SH2D1A: variants seen among roughly 807,000 people sequenced by gnomAD.
SH2D1A encodes the protein SH2 domain-containing protein 1A.
Under a neutral mutation model 10.1 loss-of-function variants are expected in SH2D1A, and 6 were observed. The ratio of observed to expected loss-of-function variants is 0.60; its 90% CI spans 0.33 to 1.18. The LOEUF is 1.18. SH2D1A is among the 50% of genes most tolerant of loss of function. SH2D1A has a pLI of 0.04. For missense variants in SH2D1A, 51 were observed against 97.6 expected (o/e 0.52, Z 2.01); for synonymous variants, 42 against 36.9 (o/e 1.14, Z -0.51).
At chrX:124,357,980 T>C (rs905640581) in intron 1 of SH2D1A, among the ~76,000 whole-genome samples, 58 of 110,912 alleles carry the variant, frequency 5.2e-4, no homozygotes, top group African/African-American at 1.8e-3. Context: ...AATGGGATTA[T>C]TTGTTTTCTT....
chrX:124,348,226 C>A (rs919444653), intron 1 of SH2D1A, among the ~76,000 whole-genome samples: 1 of 111,379 alleles, frequency 9.0e-6, no homozygotes, highest in African/African-American at 3.3e-5. Flanking sequence ...CGTGTGGAAC[C>A]TAGGGAAGGG....
At chrX:124,353,081 A>G (rs1303539000) in intron 1 of SH2D1A, 1 of 118,661 alleles carries the variant, frequency 8.4e-6, no homozygotes, top group African/African-American at 3.2e-5. Context: ...ATTACAATGC[A>G]TACATGTGTT....
At chrX:124,368,581 C>T (rs2060061741) in intron 2 of SH2D1A, among the ~76,000 whole-genome samples, 1 of 112,382 alleles carries the variant, frequency 8.9e-6, no homozygotes, top group South Asian at 3.6e-4. Flanking sequence ...TGGCCCAGTT[C>T]TAATCTGAAA....
rs2060069759 is a variant in SH2D1A, at chrX:124,371,693, T to G, written c.*302T>G. On this transcript the variant is annotated 3_prime_UTR_variant, in exon 4 of 4. Coordinates refer to ENST00000371139, the MANE Select transcript of SH2D1A (RefSeq NM_002351.5). Reference sequence around the variant, plus strand: ...GATTAATGTCAATTCTTGCCAAATATAAATAAAAATAATCCTCAGTTTTTG... The same window carrying G: ...GATTAATGTCAATTCTTGCCAAATAGAAATAAAAATAATCCTCAGTTTTTG... The G allele has an allele frequency of 5.2e-6, 1 of 193,902 alleles. No individual in the cohort carries two copies. Among genetic ancestry groups the G allele is most frequent in the Non-Finnish European group, 9.5e-6 (1 of 104,925 alleles). The allele number at this position is 193,902 out of a possible 1,213,427, so 16.0% of individuals were successfully genotyped here. A position where few individuals can be genotyped will look rare whatever the true frequency, so the allele number is the denominator to read the frequency against.
rs940258983 is a variant in SH2D1A, at chrX:124,373,072, T to C, written c.*1681T>C. The C allele has an allele frequency of 4.5e-5, 7 of 154,507 alleles. No homozygotes were observed. Among genetic ancestry groups the C allele is most frequent in the Admixed American group, 8.4e-5 (1 of 11,942 alleles). 12.7% of individuals were successfully genotyped at this position (154,507 alleles called of 1,213,427 possible). On this transcript the variant is annotated 3_prime_UTR_variant, in exon 4 of 4. Coordinates refer to ENST00000371139, the MANE Select transcript of SH2D1A (RefSeq NM_002351.5). ...TATGAATTATGTTTGCATGTTCACT[T>C]CCAAGAGCCTTTTTTTGAAAAAAAG...
intron 1 of SH2D1A, among the ~76,000 whole-genome samples, chrX:124,350,260 TA>T (rs1351491349): frequency 1.5e-4 from 5 of 33,919 alleles, no homozygotes; most frequent in East Asian, 7.7e-4. Context: ...ATATAATATA[TA>T]AATATATATT....
chrX:124,370,115 G>T, intron 2 of SH2D1A, 61 bp from the exon 3 acceptor site: 1 of 822,215 alleles, frequency 1.2e-6, no homozygotes, highest in African/African-American at 2.0e-5. Flanking sequence ...AGCACATTTT[G>T]TAGGTCTTTT....
At chrX:124,354,787 C>T (rs1603237603) in intron 1 of SH2D1A, among the ~76,000 whole-genome samples, 1 of 112,067 alleles carries the variant, frequency 8.9e-6, no homozygotes, top group South Asian at 3.7e-4. Context: ...CATAAGTATA[C>T]GTAAATAAAA....
intron 1 of SH2D1A, among the ~76,000 whole-genome samples, chrX:124,362,127 C>A (rs973373645): frequency 1.8e-5 from 2 of 111,908 alleles, no homozygotes; most frequent in Non-Finnish European, 3.8e-5. Flanking sequence ...GTTTATCTTT[C>A]AAGAAAAGGG....
intron 1 of SH2D1A, among the ~76,000 whole-genome samples, chrX:124,348,309 G>C (rs893528196): frequency 9.0e-6 from 1 of 111,053 alleles, no homozygotes; most frequent in African/African-American, 3.3e-5. Context: ...TGGGTGAAAG[G>C]CGCTGCTTTA....
rs1221618180 is a variant in SH2D1A, at chrX:124,360,475, A to G, written c.138-5286A>G. 8.3e-5 allele frequency among the ~76,000 whole-genome samples: 8 copies of G among 96,381 alleles called. No individual in the cohort carries two copies. The East Asian group carries it at 1.9e-3, about 23-fold the overall frequency. The allele number at this position is 96,381 out of a possible 115,157, so 83.7% of individuals were successfully genotyped here. A position where few individuals can be genotyped will look rare whatever the true frequency, so the allele number is the denominator to read the frequency against. On this transcript the variant is annotated intron_variant, in intron 1 of 3. Transcript: ENST00000371139. ...AAAAAAAAAAAAAAAAAAAAAAATT[A>G]GCTAGGCACAGCAGTGTGCAACTGT...
chrX:124,365,543 A>G (rs1267688405), intron 1 of SH2D1A, among the ~76,000 whole-genome samples: 6 of 111,227 alleles, frequency 5.4e-5, no homozygotes, highest in Non-Finnish European at 1.1e-4. Flanking sequence ...CCATATTTCA[A>G]AAAATGAAAA....
intron 1 of SH2D1A, among the ~76,000 whole-genome samples, chrX:124,357,384 A>G (rs1420933054): frequency 8.9e-6 from 1 of 112,009 alleles, no homozygotes; most frequent in Admixed American, 9.5e-5. Context: ...TTATCCATTC[A>G]TCTGTTGATA....
At chrX:124,351,167 C>T (rs918462710) in intron 1 of SH2D1A, among the ~76,000 whole-genome samples, 3 of 99,099 alleles carry the variant, frequency 3.0e-5, no homozygotes, top group Non-Finnish European at 6.0e-5. Context: ...CAATTGTATA[C>T]GTTTCCCATT....
chrX:124,367,363 C>T (rs1427152341), intron 2 of SH2D1A, among the ~76,000 whole-genome samples: 2 of 111,852 alleles, frequency 1.8e-5, no homozygotes, highest in Non-Finnish European at 3.8e-5. Flanking sequence ...GCTCATACCA[C>T]CTGACTGGAA....
At chrX:124,364,597 T>C (rs1285585783) in intron 1 of SH2D1A, among the ~76,000 whole-genome samples, 1 of 109,657 alleles carries the variant, frequency 9.1e-6, no homozygotes, top group East Asian at 2.9e-4. Context: ...CTCCGCCTCC[T>C]GAGTTCAAGC....
chrX:124,356,879 T>G (rs1415639689), intron 1 of SH2D1A, among the ~76,000 whole-genome samples: 2 of 112,529 alleles, frequency 1.8e-5, no homozygotes, highest in Non-Finnish European at 3.8e-5. Context: ...GGCAAAATTG[T>G]ATATATGTAT....
chrX:124,356,722 G>A (rs1304599468), intron 1 of SH2D1A, among the ~76,000 whole-genome samples: 1 of 112,328 alleles, frequency 8.9e-6, no homozygotes, highest in Non-Finnish European at 1.9e-5. Flanking sequence ...GCCTCCCAGA[G>A]TGCTGGGATT....
intron 1 of SH2D1A, among the ~76,000 whole-genome samples, chrX:124,355,323 G>A (rs2147525231): frequency 9.0e-6 from 1 of 111,221 alleles, no homozygotes; most frequent in South Asian, 3.9e-4. Context: ...TTCTAACCTG[G>A]ACACTTTTTT....
Sources: gnomAD v4.1 joint callset for allele counts (sites outside exome capture counted in the v4.1 genomes callset) on GRCh38, gnomAD v4.1.1 for gene constraint, MANE v1.5 for transcripts, NCBI Gene and HGNC (gene_info 2026-07-23, HGNC 2026-07-21) for gene names.